Variants in EPRS1 observed in about 807,000 individuals in gnomAD.
The protein encoded by EPRS1 is bifunctional glutamate/proline--tRNA ligase.
EPRS1 carries 107 observed loss-of-function variants against 188.3 expected under a neutral mutation model. The observed-to-expected ratio is 0.57, with a 90% confidence interval of 0.49 to 0.67. The LOEUF (loss-of-function observed/expected upper bound fraction) is 0.67. EPRS1 is among the 30% of genes least tolerant of loss of function. The probability of loss-of-function intolerance (pLI) is 0.00; values close to 1 mark genes in which losing one functional copy is unlikely to be tolerated. For synonymous variants in EPRS1, 596 were observed against 593.1 expected, an observed-to-expected ratio of 1.00 and a Z score of -0.07; for missense variants, 1,577 against 1,802.2, an observed-to-expected ratio of 0.88 and a Z score of 2.26.
chr1:219,986,789 G>GTGTGTGTA (rs1558045932), intron 20 of EPRS1, among the ~76,000 whole-genome samples: 1 of 151,734 alleles, frequency 6.6e-6, no homozygotes. Context: ...ATGTATGTGT[G>GTGTGTGTA]TGTGTGTGTG....
At chr1:219,985,766 G>T (rs1224794909) in intron 20 of EPRS1, among the ~76,000 whole-genome samples, 1 of 151,966 alleles carries the variant, frequency 6.6e-6, no homozygotes, top group Non-Finnish European at 1.5e-5. Flanking sequence ...AATAAACTAG[G>T]TCTCCAATAA....
At chr1:220,028,290 ATTAAT>A (rs373020562) in intron 6 of EPRS1, among the ~76,000 whole-genome samples, 10 of 152,326 alleles carry the variant, frequency 6.6e-5, no homozygotes, top group African/African-American at 2.4e-4. Flanking sequence ...AAATACAGAA[ATTAAT>A]TTAAGAAAGG....
chr1:219,987,688 G>C (rs1230071892), intron 19 of EPRS1, among the ~76,000 whole-genome samples: 1 of 152,072 alleles, frequency 6.6e-6, no homozygotes, highest in Non-Finnish European at 1.5e-5. Flanking sequence ...GTTTGGGGTA[G>C]GTGTTACACC....
chr1:220,014,194 G>A (rs1251031706), intron 12 of EPRS1, among the ~76,000 whole-genome samples: 1 of 152,044 alleles, frequency 6.6e-6, no homozygotes, highest in Non-Finnish European at 1.5e-5. Flanking sequence ...TGGGCGTGGT[G>A]GCAGGCACAT....
intron 17 of EPRS1, among the ~76,000 whole-genome samples, chr1:219,997,875 G>T (rs141790455): frequency 2.6e-5 from 4 of 152,260 alleles, no homozygotes; most frequent in Non-Finnish European, 5.9e-5. Context: ...CTAGATTGTT[G>T]ATAAGGCAAG....
chr1:219,972,276 T>G (rs1660682643), intron 29 of EPRS1, 129 bp from the exon 30 acceptor site: 1 of 563,204 alleles, frequency 1.8e-6, no homozygotes, highest in Non-Finnish European at 3.2e-6. Flanking sequence ...GAATCTCAAG[T>G]CTATCACTCA....
chr1:219,987,118 A>G lies in EPRS1; in HGVS notation c.3038+24T>C, dbSNP rs761633442. The G allele has an allele frequency of 3.8e-6, 6 of 1,586,936 alleles. No homozygotes were observed. The East Asian group carries it at 6.7e-5, about 18-fold the overall frequency. Reference sequence around the variant, plus strand: ...TGAATTAATTCACTGCTTTGCTTCAAATGAAGTTTCTGCGATTCATTACCT... The same window carrying G: ...TGAATTAATTCACTGCTTTGCTTCAGATGAAGTTTCTGCGATTCATTACCT... On this transcript the variant is annotated intron_variant, in intron 20 of 31. Coordinates refer to ENST00000366923, the MANE Select transcript of EPRS1 (RefSeq NM_004446.3).
At chr1:220,025,941 C>A (rs995878846) in intron 6 of EPRS1, among the ~76,000 whole-genome samples, 1 of 152,024 alleles carries the variant, frequency 6.6e-6, no homozygotes, top group Non-Finnish European at 1.5e-5. Flanking sequence ...ACTACAGGCA[C>A]GCGCCACCAT....
At chr1:219,977,789 AC>A (rs1490196722) in intron 28 of EPRS1, among the ~76,000 whole-genome samples, 2 of 152,134 alleles carry the variant, frequency 1.3e-5, no homozygotes, top group Admixed American at 1.3e-4. Context: ...AACTTTGGGA[AC>A]CCTAGATGTA....
rs767798440 is a variant in EPRS1 at position 219,987,417 on chromosome 1, A to G, written c.2776-13T>C. On this transcript the variant is annotated splice_polypyrimidine_tract_variant and intron_variant, in intron 19 of 31. Transcript: ENST00000366923. Reference sequence around the variant, plus strand: ...TATCTACTTGATCCTTTAGTTTAACAAAAGAGGAAAAAGAGAAGACAGTAT... The same window carrying G: ...TATCTACTTGATCCTTTAGTTTAACGAAAGAGGAAAAAGAGAAGACAGTAT... 3 of 1,570,548 alleles carry G rather than the reference A, an allele frequency of 1.9e-6. No homozygotes were observed. Among genetic ancestry groups the G allele is most frequent in the South Asian group, 1.2e-5 (1 of 84,512 alleles).
chr1:220,011,185 T>C, intron 12 of EPRS1, 129 bp from the exon 13 acceptor site: 1 of 559,090 alleles, frequency 1.8e-6, no homozygotes, highest in South Asian at 2.4e-5. Context: ...TTTTCAACTG[T>C]TAACTCTTTT....
In EPRS1 at chr1:220,020,209, T is replaced by G. The variant is rs139272363; in HGVS notation, c.1128A>C (p.Thr376=). 16 of 1,609,562 alleles carry G rather than the reference T, an allele frequency of 9.9e-6. No homozygotes were observed. In the Admixed American group the frequency reaches 2.2e-4, roughly 22 times the overall value. Residue 376 remains threonine, a synonymous_variant, in exon 10 of 32, where the codon ACA becomes ACC. Transcript: ENST00000366923. ...CAACTATGGGGCAGGCAAAATCATA[T>G]GTTGGATAAACACTAGAAAAAAAGA... ...RTGNKYNVYP[T]YDFACPIVDS... is the part of the protein sequence containing the mutation.
chr1:220,045,084 A>C (rs932896693), intron 1 of EPRS1, among the ~76,000 whole-genome samples: 2 of 152,242 alleles, frequency 1.3e-5, no homozygotes, highest in African/African-American at 4.8e-5. Context: ...TTAAAACATC[A>C]CCAAAGTTGA....
At position 219,980,876 on chromosome 1, in the gene EPRS1, C is replaced by G; in HGVS notation, c.3454-19G>C. On this transcript the variant is annotated intron_variant, in intron 24 of 31. Transcript: ENST00000366923. Reference sequence around the variant, plus strand: ...CCCAACGCTGGAAGAGGCAAGAAAACAATTTAGTCATTATAAAGAGCTTTT... The same window carrying G: ...CCCAACGCTGGAAGAGGCAAGAAAAGAATTTAGTCATTATAAAGAGCTTTT... 1 of 1,547,724 alleles carries G rather than the reference C, an allele frequency of 6.5e-7. No homozygotes were observed. Among genetic ancestry groups the G allele is most frequent in the Non-Finnish European group, 8.9e-7 (1 of 1,125,298 alleles).
intron 1 of EPRS1, among the ~76,000 whole-genome samples, chr1:220,040,625 C>A (rs892275723): frequency 1.3e-5 from 2 of 151,540 alleles, no homozygotes; most frequent in Non-Finnish European, 2.9e-5. Context: ...CCAAGGCAGG[C>A]GGATCACCTG....
rs950556618 is a variant in EPRS1 at position 220,039,150 on chromosome 1, G to A, written c.131+1035C>T. On this transcript the variant is annotated intron_variant, in intron 2 of 31. Transcript: ENST00000366923. ...CAGCATGTCAAAGCGCCAGTCTTTG[G>A]GGTATTGCTTTCTGAAGCAACATTC... Among the ~76,000 whole-genome samples the A allele has an allele frequency of 5.3e-5, 8 of 152,102 alleles. 1 individual carries two copies. Among genetic ancestry groups the A allele is most frequent in the South Asian group, 2.1e-4 (1 of 4,816 alleles).
intron 16 of EPRS1, among the ~76,000 whole-genome samples, chr1:220,003,492 T>C (rs1661398795): frequency 6.6e-6 from 1 of 152,198 alleles, no homozygotes. Flanking sequence ...GTTACAAAGA[T>C]TTACATTCAC....
At chr1:219,998,724 G>A (rs1011472936) in intron 17 of EPRS1, among the ~76,000 whole-genome samples, 6 of 151,692 alleles carry the variant, frequency 4.0e-5, no homozygotes, top group Admixed American at 2.6e-4. Flanking sequence ...TACATTTTTA[G>A]TACAGACAGG....
In EPRS1 at chr1:220,032,300, A is replaced by G. The variant is rs1662101071; in HGVS notation, c.528+87T>C. ...ATGCGGTTTCACCGTGTTATTCAGG[A>G]TGGTCTCAATCTCCTGACCTTGTGA... On this transcript the variant is annotated intron_variant, in intron 5 of 31. Coordinates refer to ENST00000366923, the MANE Select transcript of EPRS1 (RefSeq NM_004446.3). The G allele has an allele frequency of 1.7e-5, 17 of 999,254 alleles. No homozygotes were observed. In the East Asian group the frequency reaches 4.7e-4, roughly 28 times the overall value. 61.9% of individuals were successfully genotyped at this position (999,254 alleles called of 1,614,324 possible).
Sources: gnomAD v4.1 joint callset for allele counts (sites outside exome capture counted in the v4.1 genomes callset) on GRCh38, gnomAD v4.1.1 for gene constraint, MANE v1.5 for transcripts, NCBI Gene and HGNC (gene_info 2026-07-23, HGNC 2026-07-21) for gene names.